Variants in ARHGAP6 observed in about 807,000 individuals in gnomAD.
ARHGAP6 encodes rho GTPase-activating protein 6.
Under a neutral mutation model 55.7 loss-of-function variants are expected in ARHGAP6, and 16 were observed. The observed-to-expected ratio is 0.29, with a 90% CI of 0.19 to 0.44. The LOEUF is 0.44. ARHGAP6 is among the 20% of genes least tolerant of loss of function. ARHGAP6 has a pLI of 1.00. For missense variants in ARHGAP6, 698 were observed against 808.9 expected (o/e 0.86, Z 1.66); for synonymous variants, 382 against 360.9 (o/e 1.06, Z -0.66).
chrX:11,137,790 T>C lies in ARHGAP6; in HGVS notation c.*1073A>G, dbSNP rs1209737538. 2 of 112,514 alleles carry C rather than the reference T, an allele frequency of 1.8e-5. No homozygotes were observed. Among genetic ancestry groups the C allele is most frequent in the African/African-American group, 6.5e-5 (2 of 30,864 alleles). 9.3% of individuals were successfully genotyped at this position (112,514 alleles called of 1,213,427 possible). Reference sequence around the variant, plus strand: ...CAAACTACTAAAGTACGGTAGAACATTTTACAATACACATAAAATTACGAA... The same window carrying C: ...CAAACTACTAAAGTACGGTAGAACACTTTACAATACACATAAAATTACGAA... On this transcript the variant is annotated 3_prime_UTR_variant, in exon 13 of 13. Coordinates refer to ENST00000337414, the MANE Select transcript of ARHGAP6 (RefSeq NM_013427.3).
chrX:11,439,332 C>A (rs896988532), intron 1 of ARHGAP6, among the ~76,000 whole-genome samples: 2 of 112,078 alleles, frequency 1.8e-5, no homozygotes, highest in African/African-American at 6.5e-5. Context: ...CAAATTTCAA[C>A]ATCCATAAAT....
At chrX:11,158,710 A>G (rs1569234812) in intron 9 of ARHGAP6, among the ~76,000 whole-genome samples, 1 of 112,125 alleles carries the variant, frequency 8.9e-6, no homozygotes, top group African/African-American at 3.2e-5. Flanking sequence ...CCTAGCAGTC[A>G]TTCCACACAA....
chrX:11,244,956 T>G (rs1160756841), intron 2 of ARHGAP6, among the ~76,000 whole-genome samples: 1 of 112,380 alleles, frequency 8.9e-6, no homozygotes, highest in Non-Finnish European at 1.9e-5. Context: ...CACACCTGCT[T>G]GGCACCAACA....
At chrX:11,230,788 T>A (rs1242374267) in intron 2 of ARHGAP6, among the ~76,000 whole-genome samples, 1 of 111,229 alleles carries the variant, frequency 9.0e-6, no homozygotes, top group Non-Finnish European at 1.9e-5. Context: ...CTTTGTTTTT[T>A]AGAATTGTTT....
intron 1 of ARHGAP6, among the ~76,000 whole-genome samples, chrX:11,536,215 T>A (rs1172975172): frequency 1.8e-5 from 2 of 111,505 alleles, no homozygotes; most frequent in Non-Finnish European, 3.8e-5. Flanking sequence ...GCTTCACACA[T>A]AAGCAGCTCT....
At chrX:11,632,278 T>C (rs1465808731) in intron 1 of ARHGAP6, among the ~76,000 whole-genome samples, 1 of 112,362 alleles carries the variant, frequency 8.9e-6, no homozygotes, top group South Asian at 3.7e-4. Context: ...AATTTTCTTC[T>C]GGTTTCAGCT....
At chrX:11,426,359 ATTTTTTTT>A (rs35111887) in intron 1 of ARHGAP6, among the ~76,000 whole-genome samples, 1 of 103,074 alleles carries the variant, frequency 9.7e-6, no homozygotes, top group Non-Finnish European at 2.0e-5. Context: ...CAAAAAAACA[ATTTTTTTT>A]TTTTTTATGT....
At chrX:11,447,402 TTTA>T (rs2050102075) in intron 1 of ARHGAP6, among the ~76,000 whole-genome samples, 1 of 112,460 alleles carries the variant, frequency 8.9e-6, no homozygotes, top group African/African-American at 3.2e-5. Flanking sequence ...ACTAGAGTCC[TTTA>T]TTATCTTAGA....
chrX:11,475,612 G>C (rs2050396253), intron 1 of ARHGAP6, among the ~76,000 whole-genome samples: 1 of 107,604 alleles, frequency 9.3e-6, no homozygotes, highest in Non-Finnish European at 1.9e-5. Flanking sequence ...CACACACACA[G>C]AGCTTTCAAG....
chrX:11,335,681 T>TA (rs1369778749), intron 1 of ARHGAP6: 1 of 302,673 alleles, frequency 3.3e-6, no homozygotes, highest in Non-Finnish European at 6.2e-6. Context: ...TATGGTAATC[T>TA]AACTGGGTCT....
intron 1 of ARHGAP6, among the ~76,000 whole-genome samples, chrX:11,309,304 T>C (rs1310562337): frequency 9.0e-6 from 1 of 111,095 alleles, no homozygotes; most frequent in Non-Finnish European, 1.9e-5. Flanking sequence ...CGAGCCCCCA[T>C]ACTCCCCACG....
At chrX:11,331,302 T>C (rs2048560454) in intron 1 of ARHGAP6, among the ~76,000 whole-genome samples, 1 of 111,474 alleles carries the variant, frequency 9.0e-6, no homozygotes, top group African/African-American at 3.3e-5. Flanking sequence ...CCCTACTCAG[T>C]CCATTAGCAT....
At chrX:11,341,420 T>C (rs1257559361) in intron 1 of ARHGAP6, among the ~76,000 whole-genome samples, 1 of 111,701 alleles carries the variant, frequency 9.0e-6, no homozygotes, top group Non-Finnish European at 1.9e-5. Flanking sequence ...AATAAAGATG[T>C]GAAAGATAAA....
chrX:11,520,693 G>C lies in ARHGAP6; in HGVS notation c.588+143548C>G, dbSNP rs1003375869. Among the ~76,000 whole-genome samples, 6 of 111,246 alleles carry C rather than the reference G, an allele frequency of 5.4e-5. No individual in the cohort carries two copies. In the South Asian group the frequency reaches 2.3e-3, roughly 43 times the overall value. ...TATATACCCAGTAATGCAATGGCTGGGTTAAATGGTATTTCTACTTCTAGA... is the reference window on the plus strand; with the variant it reads ...TATATACCCAGTAATGCAATGGCTGCGTTAAATGGTATTTCTACTTCTAGA... On this transcript the variant is annotated intron_variant, in intron 1 of 12. Coordinates refer to ENST00000337414, the MANE Select transcript of ARHGAP6 (RefSeq NM_013427.3).
intron 1 of ARHGAP6, among the ~76,000 whole-genome samples, chrX:11,589,571 C>G (rs1326441051): frequency 9.2e-6 from 1 of 109,099 alleles, no homozygotes; most frequent in Non-Finnish European, 1.9e-5. Flanking sequence ...TTTCGGCAAG[C>G]TCTTCTTGTT....
intron 7 of ARHGAP6, among the ~76,000 whole-genome samples, chrX:11,178,740 T>C (rs776895040): frequency 8.9e-6 from 1 of 112,461 alleles, no homozygotes; most frequent in Non-Finnish European, 1.9e-5. Context: ...CTCTCTCCGT[T>C]GTGATCCTAT....
chrX:11,470,321 AT>A (rs919022279), intron 1 of ARHGAP6, among the ~76,000 whole-genome samples: 11 of 111,878 alleles, frequency 9.8e-5, no homozygotes, highest in African/African-American at 3.2e-4. Flanking sequence ...AAAGTGCCCC[AT>A]TTGGACAAGT....
At chrX:11,446,476 T>C (rs180911731) in intron 1 of ARHGAP6, among the ~76,000 whole-genome samples, 1 of 112,040 alleles carries the variant, frequency 8.9e-6, no homozygotes, top group Admixed American at 9.5e-5. Context: ...ACTCCTTCTT[T>C]TGATGCCCTC....
intron 1 of ARHGAP6, among the ~76,000 whole-genome samples, chrX:11,255,012 T>C (rs1784224758): frequency 9.0e-6 from 1 of 111,395 alleles, no homozygotes; most frequent in Non-Finnish European, 1.9e-5. Context: ...TGGGAACACA[T>C]GGGAACTTCT....
Sources: gnomAD v4.1 joint callset for allele counts (sites outside exome capture counted in the v4.1 genomes callset) on GRCh38, gnomAD v4.1.1 for gene constraint, MANE v1.5 for transcripts, NCBI Gene and HGNC (gene_info 2026-07-23, HGNC 2026-07-21) for gene names.